Variants in IMMP2L observed in about 807,000 individuals in gnomAD.
IMMP2L encodes the protein mitochondrial inner membrane protease subunit 2.
IMMP2L carries 18 observed loss-of-function variants against 19.3 expected under a neutral mutation model. The observed-to-expected ratio is 0.93, with a 90% confidence interval of 0.64 to 1.38. IMMP2L has a LOEUF of 1.38. Ranked by LOEUF, IMMP2L falls within the 40% of genes most tolerant of loss-of-function variation. The pLI is 0.00. For missense variants in IMMP2L, 233 were observed against 218.2 expected (o/e 1.07, Z -0.43); for synonymous variants, 76 against 73.0 (o/e 1.04, Z -0.21).
intron 5 of IMMP2L, among the ~76,000 whole-genome samples, chr7:110,781,861 AGGT>A (rs1245871084): frequency 6.6e-6 from 1 of 151,980 alleles, no homozygotes; most frequent in African/African-American, 2.4e-5. Flanking sequence ...TATATGTCTA[AGGT>A]GATATGCTAT....
intron 3 of IMMP2L, among the ~76,000 whole-genome samples, chr7:111,171,011 T>G (rs1009224665): frequency 6.6e-6 from 1 of 151,864 alleles, no homozygotes; most frequent in Non-Finnish European, 1.5e-5. Context: ...TAGTTCTAAT[T>G]GCTCAGAAGG....
intron 5 of IMMP2L, among the ~76,000 whole-genome samples, chr7:110,798,761 C>G (rs1454708282): frequency 1.3e-5 from 2 of 151,712 alleles, no homozygotes; most frequent in African/African-American, 4.8e-5. Context: ...GAAGCAATTA[C>G]TTTTTCAGTT....
At chr7:111,488,326 C>T (rs1358262903) in intron 2 of IMMP2L, among the ~76,000 whole-genome samples, 2 of 152,102 alleles carry the variant, frequency 1.3e-5, no homozygotes, top group Non-Finnish European at 2.9e-5. Context: ...AGGCTTTTAT[C>T]CCTCACCACC....
intron 3 of IMMP2L, among the ~76,000 whole-genome samples, chr7:111,163,024 T>C (rs537483160): frequency 2.0e-5 from 3 of 152,218 alleles, no homozygotes; most frequent in Non-Finnish European, 2.9e-5. Flanking sequence ...CCTGCTCTTA[T>C]AGAGCAGTTG....
At chr7:111,201,654 T>C (rs772823572) in intron 3 of IMMP2L, among the ~76,000 whole-genome samples, 3 of 151,342 alleles carry the variant, frequency 2.0e-5, no homozygotes, top group Non-Finnish European at 4.4e-5. Context: ...AGACAGGGGT[T>C]GCAGTGAGCT....
intron 3 of IMMP2L, among the ~76,000 whole-genome samples, chr7:111,150,795 T>C (rs1308973462): frequency 6.6e-6 from 1 of 152,220 alleles, no homozygotes; most frequent in East Asian, 1.9e-4. Flanking sequence ...AAGCATGCCC[T>C]ACTAATCTTT....
At chr7:111,023,464 G>T (rs1826492859) in intron 3 of IMMP2L, among the ~76,000 whole-genome samples, 1 of 151,848 alleles carries the variant, frequency 6.6e-6, no homozygotes, top group Non-Finnish European at 1.5e-5. Flanking sequence ...ACTTTGGGAG[G>T]CCAAGGTGGG....
chr7:111,394,852 TAGTATC>T (rs1416632124), intron 3 of IMMP2L: 1 of 226,258 alleles, frequency 4.4e-6, no homozygotes, highest in African/African-American at 2.3e-5. Flanking sequence ...ATGAAGCAAA[TAGTATC>T]AGTGTAAGGC....
At chr7:110,873,929 G>A (rs996089353) in intron 5 of IMMP2L, among the ~76,000 whole-genome samples, 2 of 152,104 alleles carry the variant, frequency 1.3e-5, no homozygotes, top group African/African-American at 4.8e-5. Flanking sequence ...CTCTTAAGGA[G>A]GGGCTACTAC....
At chr7:111,007,142 C>T (rs576031336) in intron 3 of IMMP2L, among the ~76,000 whole-genome samples, 5 of 152,130 alleles carry the variant, frequency 3.3e-5, no homozygotes, top group Non-Finnish European at 2.9e-5. Flanking sequence ...AAGGGAAGCA[C>T]GCACCTTCTT....
chr7:111,430,484 A>T (rs1836517122), intron 3 of IMMP2L, among the ~76,000 whole-genome samples: 1 of 151,722 alleles, frequency 6.6e-6, no homozygotes, highest in Non-Finnish European at 1.5e-5. Flanking sequence ...TATAGTTCTG[A>T]GACTATATAA....
In IMMP2L at chr7:111,514,508, T is replaced by C. The variant is rs143241863; in HGVS notation, c.135+6805A>G. ...CATTGTGCACATGTACCCTAAAACT[T>C]AAAGTATAATAAAAATATATATATA... On this transcript the variant is annotated intron_variant, in intron 2 of 5. Transcript: ENST00000405709. Among the ~76,000 whole-genome samples the C allele has an allele frequency of 2.1e-3, 323 of 152,152 alleles. 3 individuals are homozygous for C. The highest frequency in any genetic ancestry group is 7.4e-3 in the African/African-American group (306 of 41,516).
chr7:111,029,512 G>A (rs1827187036), intron 3 of IMMP2L, among the ~76,000 whole-genome samples: 1 of 152,136 alleles, frequency 6.6e-6, no homozygotes, highest in South Asian at 2.1e-4. Flanking sequence ...TGACCAGAGA[G>A]GAATCAACTT....
intron 3 of IMMP2L, among the ~76,000 whole-genome samples, chr7:111,206,466 C>A (rs750161194): frequency 2.0e-5 from 3 of 151,944 alleles, no homozygotes; most frequent in Admixed American, 2.0e-4. Flanking sequence ...GTATAGCGAC[C>A]GAGTAAGTGA....
intron 1 of IMMP2L, among the ~76,000 whole-genome samples, chr7:111,537,512 G>T: frequency 6.9e-6 from 1 of 145,142 alleles, no homozygotes; most frequent in Non-Finnish European, 1.5e-5. Context: ...TAGATTCCTA[G>T]TCTCATCACT....
At chr7:111,475,910 T>C (rs182280344) in intron 3 of IMMP2L, among the ~76,000 whole-genome samples, 1 of 152,264 alleles carries the variant, frequency 6.6e-6, no homozygotes, top group East Asian at 1.9e-4. Context: ...TGTTCCAGAA[T>C]TTCTATTTCA....
At chr7:111,101,495 C>G (rs1383724103) in intron 3 of IMMP2L, among the ~76,000 whole-genome samples, 1 of 151,306 alleles carries the variant, frequency 6.6e-6, no homozygotes, top group Non-Finnish European at 1.5e-5. Flanking sequence ...GGTTAAGATT[C>G]AAGTCTTTTT....
At chr7:110,944,534 C>T (rs10215530) in intron 4 of IMMP2L, among the ~76,000 whole-genome samples, 103,785 of 151,046 alleles carry the variant, frequency 0.69, 36,676 homozygotes, top group African/African-American at 0.84. Context: ...AGAATGTAGG[C>T]AGGGTCCTGA....
intron 3 of IMMP2L, among the ~76,000 whole-genome samples, chr7:111,294,910 A>G (rs1461700397): frequency 6.6e-6 from 1 of 151,954 alleles, no homozygotes; most frequent in Non-Finnish European, 1.5e-5. Flanking sequence ...TAATGTAGCA[A>G]TAAATGGACT....
Sources: allele counts gnomAD v4.1 joint callset (sites outside exome capture counted in the v4.1 genomes callset), GRCh38; gene constraint gnomAD v4.1.1; transcripts MANE v1.5; gene names NCBI Gene and HGNC (gene_info 2026-07-23, HGNC 2026-07-21).